Variants in EGF observed in about 807,000 individuals in gnomAD.
EGF encodes the protein pro-epidermal growth factor.
Under a neutral mutation model 143.8 loss-of-function variants are expected in EGF, and 95 were observed. That is an observed-to-expected ratio of 0.66 (90% CI 0.56 to 0.78). The LOEUF (loss-of-function observed/expected upper bound fraction) is 0.78. Ranked by LOEUF, EGF falls within the 30% of genes least tolerant of loss-of-function variation. EGF has a pLI of 0.00. For missense variants in EGF, 1,320 were observed against 1,470.9 expected (o/e 0.90, Z 1.68); for synonymous variants, 510 against 510.5 (o/e 1.00, Z 0.01).
chr4:109,942,998 A>C (rs1742177266), intron 2 of EGF, among the ~76,000 whole-genome samples: 1 of 152,216 alleles, frequency 6.6e-6, no homozygotes, highest in Non-Finnish European at 1.5e-5. Context: ...CCTAATTTAA[A>C]TAGTGTGTAG....
chr4:109,974,626 GA>G, intron 11 of EGF, 76 bp from the exon 12 acceptor site: 1 of 1,086,020 alleles, frequency 9.2e-7, no homozygotes. Flanking sequence ...TTGCATTTCA[GA>G]AAGAGGAGAA....
chr4:109,972,463 T>A (rs2237046), intron 11 of EGF, among the ~76,000 whole-genome samples: 1 of 152,038 alleles, frequency 6.6e-6, no homozygotes, highest in Non-Finnish European at 1.5e-5. Context: ...GAGATCATCA[T>A]GAGATCAGAA....
At chr4:110,004,437 A>G in intron 21 of EGF, 68 bp from the exon 22 acceptor site, 1 of 1,351,852 alleles carries the variant, frequency 7.4e-7, no homozygotes, top group South Asian at 1.2e-5. Context: ...GTTGTCCCTG[A>G]TCATCACTGA....
At chr4:110,007,294 G>A (rs1578412484) in intron 22 of EGF, among the ~76,000 whole-genome samples, 1 of 152,122 alleles carries the variant, frequency 6.6e-6, no homozygotes, top group South Asian at 2.1e-4. Context: ...TTTCTGAGTT[G>A]TGTGCTCCTT....
chr4:109,928,282 A>C (rs569826240), intron 1 of EGF, among the ~76,000 whole-genome samples: 50 of 152,232 alleles, frequency 3.3e-4, no homozygotes, highest in Non-Finnish European at 6.8e-4. Context: ...GATATACATT[A>C]GTTTGATCAG....
At position 109,939,759 on chromosome 4, in the gene EGF, A is replaced by G. The variant is rs11568878; in HGVS notation, c.128-1187A>G. Among the ~76,000 whole-genome samples the G allele has an allele frequency of 3.0e-3, 459 of 152,376 alleles. 1 individual carries two copies. The highest frequency in any genetic ancestry group is 0.011 in the African/African-American group (442 of 41,588). ...TGACTCTAGAACATAGTCCCTGAGT[A>G]AAAGGATGTTAACCCATCATTTTGT... On this transcript the variant is annotated intron_variant, in intron 1 of 23. Transcript: ENST00000265171.
chr4:109,974,904 A>G, intron 12 of EGF, 97 bp downstream of exon 12: 1 of 871,862 alleles, frequency 1.1e-6, no homozygotes, highest in South Asian at 1.5e-5. Flanking sequence ...AAGAAAATCC[A>G]TGCAATTTGT....
Position 109,980,913 on chromosome 4 carries a change from G to C in EGF, c.2309G>C (p.Gly770Ala), listed in dbSNP as rs1460099820. ...LGTAWCSCREGFMKASDGKTC... is the reference protein window; with the variant it reads ...LGTAWCSCREAFMKASDGKTC... Reference sequence around the variant, plus strand: ...ACTGCTTGGTGTTCGTGTCGTGAAGGTTTTATGAAAGCCTCAGATGGGAAA... The same window carrying C: ...ACTGCTTGGTGTTCGTGTCGTGAAGCTTTTATGAAAGCCTCAGATGGGAAA... The change falls in exon 15 of 24, where the codon GGT (glycine) becomes GCT (alanine). Residue 770 changes from glycine to alanine, a missense_variant. By Grantham distance (60) the Gly-to-Ala change is moderately conservative. Coordinates refer to ENST00000265171, the MANE Select transcript of EGF (RefSeq NM_001963.6). The C allele has an allele frequency of 3.1e-6, 5 of 1,614,018 alleles. No homozygotes were observed. The highest frequency in any genetic ancestry group is 2.5e-6 in the Non-Finnish European group (3 of 1,180,012).
Position 110,013,697 on chromosome 4 carries a change from T to C in EGF, c.*2242T>C, listed in dbSNP as rs1056254565. Among the ~76,000 whole-genome samples, 1 of 152,106 alleles carries C rather than the reference T, an allele frequency of 6.6e-6. No homozygotes were observed. The highest frequency in any genetic ancestry group is 1.5e-5 in the Non-Finnish European group (1 of 68,036). The stretch of plus-strand genomic sequence containing the variant: ...GATTGAGCTTCTGTTTGACTAAATA[T>C]CACCTACTATGTAAAAAATGAGCAT... On this transcript the variant is annotated 3_prime_UTR_variant, in exon 24 of 24. Coordinates refer to ENST00000265171, the MANE Select transcript of EGF (RefSeq NM_001963.6).
At chr4:109,984,794 G>A (rs977263999) in intron 16 of EGF, among the ~76,000 whole-genome samples, 3 of 152,148 alleles carry the variant, frequency 2.0e-5, no homozygotes, top group African/African-American at 7.2e-5. Context: ...AAAGGTTTTT[G>A]AAAATTATGA....
intron 1 of EGF, among the ~76,000 whole-genome samples, chr4:109,930,555 G>A (rs1739505824): frequency 6.6e-6 from 1 of 152,186 alleles, no homozygotes; most frequent in Admixed American, 6.5e-5. Context: ...CTGTGGTGGT[G>A]AGGGCAGGTG....
chr4:109,983,349 A>G (rs1749666163), intron 15 of EGF, 73 bp from the exon 16 acceptor site: 39 of 1,536,930 alleles, frequency 2.5e-5, no homozygotes, highest in Non-Finnish European at 3.5e-5. Flanking sequence ...AATAGTCGTA[A>G]ACATAAATGA....
Position 110,011,309 on chromosome 4 carries a change from G to A in EGF, c.3478G>A (p.Val1160Ile), listed in dbSNP as rs750434009. Residue 1160 changes from valine (V) to isoleucine (I), a missense_variant, in exon 24 of 24, where the codon GTA becomes ATA. By Grantham distance (29) the Val-to-Ile change is conservative (BLOSUM62 3). Around this residue, in one of 5 missense-constraint regions of EGF, gnomAD observed 1,186 missense variants for 1,313.7 expected, o/e 0.90. Coordinates refer to ENST00000265171, the MANE Select transcript of EGF (RefSeq NM_001963.6). ...CAGTGATAAGGGCTCCTGTCCCCAG[G>A]TAATGGAGCGAAGCTTTCATATGCC... ...VSSDKGSCPQVMERSFHMPSY... is the reference protein window; with the variant it reads ...VSSDKGSCPQIMERSFHMPSY... 2 of 1,614,140 alleles carry A rather than the reference G, an allele frequency of 1.2e-6. No individual in the cohort carries two copies. Among genetic ancestry groups the A allele is most frequent in the East Asian group, 2.2e-5 (1 of 44,872 alleles).
At chr4:109,974,039 AC>A (rs35014139) in intron 11 of EGF, among the ~76,000 whole-genome samples, 2 of 152,176 alleles carry the variant, frequency 1.3e-5, no homozygotes, top group Non-Finnish European at 2.9e-5. Context: ...ACAAATAAAA[AC>A]CAATAACTTA....
In EGF at chr4:109,943,870, G is replaced by T; in HGVS notation, c.538G>T (p.Gly180Ter). 6.2e-7 allele frequency: 1 copy of T among 1,614,134 alleles called. No homozygotes were observed. Among genetic ancestry groups the T allele is most frequent in the African/African-American group, 1.3e-5 (1 of 75,036 alleles). The change falls in exon 4 of 24, where the codon GGA becomes TGA. Residue 180 changes from glycine (G) to a stop codon, truncating the protein, a stop_gained. Transcript: ENST00000265171. LOFTEE classifies it high-confidence loss of function. Reference protein sequence around the residue: ...RFIFWSSEVAGSLYRADLDGV... With the variant: ...RFIFWSSEVA ...TATATTTTGGTCTTCAGAGGTGGCTGGAAGCCTTTATAGAGCAGATCTCGA... is the reference window on the plus strand; with the variant it reads ...TATATTTTGGTCTTCAGAGGTGGCTTGAAGCCTTTATAGAGCAGATCTCGA...
At chr4:109,951,896 C>T (rs1432085285) in intron 5 of EGF, among the ~76,000 whole-genome samples, 1 of 152,200 alleles carries the variant, frequency 6.6e-6, no homozygotes, top group Non-Finnish European at 1.5e-5. Context: ...TAGTTAAGTG[C>T]TTCAGTTTGC....
chr4:109,921,035 GA>G (rs975681562), intron 1 of EGF, among the ~76,000 whole-genome samples: 1 of 151,512 alleles, frequency 6.6e-6, no homozygotes, highest in Non-Finnish European at 1.5e-5. Context: ...TGTAGACGAA[GA>G]AAAAATTTCA....
At chr4:109,939,605 T>C (rs1741560475) in intron 1 of EGF, among the ~76,000 whole-genome samples, 1 of 152,170 alleles carries the variant, frequency 6.6e-6, no homozygotes, top group Admixed American at 6.5e-5. Flanking sequence ...AATGCAGAAA[T>C]CACCCATCTT....
At chr4:109,959,684 A>G (rs1003234984) in intron 6 of EGF, among the ~76,000 whole-genome samples, 1 of 152,186 alleles carries the variant, frequency 6.6e-6, no homozygotes, top group Non-Finnish European at 1.5e-5. Context: ...AAACACTGAG[A>G]GGATGCTTAG....
Sources: allele counts gnomAD v4.1 joint callset (sites outside exome capture counted in the v4.1 genomes callset), GRCh38; gene constraint gnomAD v4.1.1; regional missense constraint gnomAD v4.1.1; transcripts MANE v1.5; gene names NCBI Gene and HGNC (gene_info 2026-07-23, HGNC 2026-07-21).